DNAH5: variants seen among roughly 807,000 people sequenced by gnomAD.
DNAH5 encodes the protein dynein axonemal heavy chain 5.
A neutral mutation model predicts 518.2 loss-of-function variants in DNAH5; 372 were observed. The observed-to-expected ratio is 0.72, with a 90% CI of 0.66 to 0.78. The LOEUF (loss-of-function observed/expected upper bound fraction) is 0.78. DNAH5 is among the 30% of genes least tolerant of loss of function. The probability of loss-of-function intolerance (pLI) is 0.00; values close to 1 mark genes in which losing one functional copy is unlikely to be tolerated. For synonymous variants in DNAH5, 2,039 were observed against 2,025.9 expected, an observed-to-expected ratio of 1.01 and a Z score of -0.17; for missense variants, 5,523 against 5,687.0, an observed-to-expected ratio of 0.97 and a Z score of 0.93.
intron 60 of DNAH5, 108 bp from the exon 61 acceptor site, chr5:13,759,091 G>A: frequency 6.9e-7 from 1 of 1,446,328 alleles, no homozygotes; most frequent in African/African-American, 1.4e-5. Context: ...CCTTTGCTTT[G>A]TTCCCGCTCC....
intron 42 of DNAH5, among the ~76,000 whole-genome samples, chr5:13,816,057 G>C (rs929230028): frequency 6.6e-6 from 1 of 152,168 alleles, no homozygotes; most frequent in Non-Finnish European, 1.5e-5. Flanking sequence ...CTGCAGCCCA[G>C]AGAAGGAAGG....
chr5:13,773,183 AT>A (rs1464913297), intron 55 of DNAH5, among the ~76,000 whole-genome samples: 1 of 152,198 alleles, frequency 6.6e-6, no homozygotes, highest in Non-Finnish European at 1.5e-5. Flanking sequence ...AATAGACTAA[AT>A]TGGAGCTATA....
chr5:13,779,562 G>A (rs147343215), intron 53 of DNAH5, among the ~76,000 whole-genome samples: 1 of 152,082 alleles, frequency 6.6e-6, no homozygotes, highest in South Asian at 2.1e-4. Context: ...TCCCAAACTG[G>A]TCTCCTGGTT....
At chr5:13,814,261 G>GTA (rs1761117730) in intron 43 of DNAH5, among the ~76,000 whole-genome samples, 1 of 152,054 alleles carries the variant, frequency 6.6e-6, no homozygotes, top group Non-Finnish European at 1.5e-5. Flanking sequence ...ATGTGAATGT[G>GTA]TACCTTTCAA....
At chr5:13,944,983 T>C (rs999430192), upstream of DNAH5, among the ~76,000 whole-genome samples, 1 of 151,906 alleles carries the variant, frequency 6.6e-6, no homozygotes, top group Non-Finnish European at 1.5e-5. Context: ...GCAAGCACGA[T>C]GCACTGCCAG....
chr5:13,761,554 C>T (rs1217372612), intron 60 of DNAH5, among the ~76,000 whole-genome samples: 1 of 148,454 alleles, frequency 6.7e-6, no homozygotes, highest in Non-Finnish European at 1.5e-5. Context: ...GATCAAGCCA[C>T]TGCACTCCAG....
intron 65 of DNAH5, among the ~76,000 whole-genome samples, chr5:13,749,341 A>G (rs1245994138): frequency 6.6e-6 from 1 of 152,196 alleles, no homozygotes; most frequent in Non-Finnish European, 1.5e-5. Flanking sequence ...AGATAATATT[A>G]AAGGAGTAAT....
intron 76 of DNAH5, among the ~76,000 whole-genome samples, chr5:13,703,240 G>A (rs1742357060): frequency 6.6e-6 from 1 of 152,102 alleles, no homozygotes; most frequent in Admixed American, 6.5e-5. Flanking sequence ...AACCCTCAGG[G>A]CCAGGAGAAG....
chr5:13,839,212 A>G, intron 35 of DNAH5, 144 bp downstream of exon 35: 1 of 713,906 alleles, frequency 1.4e-6, no homozygotes, highest in South Asian at 1.8e-5. Context: ...ATGTGAAAAG[A>G]AAGCTGATAA....
intron 1 of DNAH5, among the ~76,000 whole-genome samples, chr5:13,939,408 A>G: frequency 6.6e-6 from 1 of 152,198 alleles, no homozygotes; most frequent in Non-Finnish European, 1.5e-5. Context: ...TACAGCAAAT[A>G]CAGCTAACCT....
At chr5:13,849,161 C>T (rs1434062619) in intron 31 of DNAH5, among the ~76,000 whole-genome samples, 1 of 152,240 alleles carries the variant, frequency 6.6e-6, no homozygotes, top group Non-Finnish European at 1.5e-5. Context: ...CAAACTTCCA[C>T]ATCTCCCCAG....
At position 13,692,010 on chromosome 5, in the gene DNAH5, C is replaced by A; in HGVS notation, c.13849G>T (p.Val4617Phe). The change falls in exon 79 of 79, where the codon GTT (valine) becomes TTT (phenylalanine). Residue 4617 changes from valine (V) to phenylalanine (F), a missense_variant. Physicochemically the swap from Val to Phe is conservative, Grantham distance 50 (BLOSUM62 -1). Transcript: ENST00000265104. ...QTPEHWVLRG[V>F]ALLCDVK ...TACTTGACATCACACAGAAGGGCAA[C>A]CCCACGGAGCACCCAGTGTTCAGGG... is the stretch of plus-strand genomic sequence containing the variant. 1 of 1,614,090 alleles carries A rather than the reference C, an allele frequency of 6.2e-7. No individual in the cohort carries two copies. Among genetic ancestry groups the A allele is most frequent in the Admixed American group, 1.7e-5 (1 of 60,008 alleles).
rs766975652 is a variant in DNAH5, at chr5:13,792,225, G to A, written c.8225-8C>T. 3 of 1,608,514 alleles carry A rather than the reference G, an allele frequency of 1.9e-6. No individual in the cohort carries two copies. Among genetic ancestry groups the A allele is most frequent in the Non-Finnish European group, 2.6e-6 (3 of 1,175,104 alleles). ...GGCCTACCCCAATCACACCTGAAAA[G>A]GGGGAAATTACAGCATTTTGATTAG... On this transcript the variant is annotated splice_region_variant and splice_polypyrimidine_tract_variant and intron_variant, in intron 49 of 78. Coordinates refer to ENST00000265104, the MANE Select transcript of DNAH5 (RefSeq NM_001369.3).
intron 52 of DNAH5, among the ~76,000 whole-genome samples, chr5:13,783,622 C>T (rs1180196899): frequency 6.6e-6 from 1 of 152,144 alleles, no homozygotes; most frequent in Admixed American, 6.5e-5. Flanking sequence ...AAACCATATA[C>T]ACCATGGTTT....
At chr5:13,731,596 C>T (rs1232365436) in intron 68 of DNAH5, among the ~76,000 whole-genome samples, 2 of 151,992 alleles carry the variant, frequency 1.3e-5, no homozygotes, top group African/African-American at 2.4e-5. Flanking sequence ...AGGAATAATT[C>T]GAAATAAATT....
chr5:13,848,933 G>T (rs1325864983), intron 31 of DNAH5, among the ~76,000 whole-genome samples: 3 of 152,172 alleles, frequency 2.0e-5, no homozygotes, highest in Non-Finnish European at 4.4e-5. Flanking sequence ...TATAGCATAG[G>T]CCTTTGAAAC....
chr5:13,810,645 C>G (rs1358000929), intron 44 of DNAH5: 3 of 171,626 alleles, frequency 1.7e-5, no homozygotes, highest in African/African-American at 7.3e-5. Context: ...TCCCAGCTAC[C>G]CGGGAGGCTG....
At chr5:13,856,485 G>A (rs1157241783) in intron 30 of DNAH5, among the ~76,000 whole-genome samples, 1 of 152,024 alleles carries the variant, frequency 6.6e-6, no homozygotes, top group Non-Finnish European at 1.5e-5. Flanking sequence ...CCGAACAATA[G>A]AAAAAGAGGG....
intron 29 of DNAH5, chr5:13,860,643 G>T (rs1768280998): frequency 6.6e-6 from 1 of 152,202 alleles, no homozygotes; most frequent in Admixed American, 6.5e-5. Context: ...CCAAGCTTGG[G>T]TCCCTGATGA....
Sources: allele counts gnomAD v4.1 joint callset (sites outside exome capture counted in the v4.1 genomes callset), GRCh38; gene constraint gnomAD v4.1.1; transcripts MANE v1.5; gene names NCBI Gene and HGNC (gene_info 2026-07-23, HGNC 2026-07-21).